The following GRIK2 variants were observed in gnomAD, a reference collection of about 807,000 sequenced individuals.
The protein encoded by GRIK2 is glutamate receptor ionotropic, kainate 2.
Under a neutral mutation model 100.3 loss-of-function variants are expected in GRIK2, and 32 were observed. The ratio of observed to expected loss-of-function variants is 0.32; its 90% CI spans 0.24 to 0.43. The LOEUF is 0.43. Ranked by LOEUF, GRIK2 falls within the 20% of genes least tolerant of loss-of-function variation. The pLI, the probability that GRIK2 is intolerant of heterozygous loss-of-function variation, is 1.00. For missense variants in GRIK2, 843 were observed against 1,114.9 expected (o/e 0.76, Z 3.47); for synonymous variants, 417 against 389.4 (o/e 1.07, Z -0.83).
chr6:101,414,503 A>G (rs960480338), intron 2 of GRIK2, among the ~76,000 whole-genome samples: 5 of 152,172 alleles, frequency 3.3e-5, no homozygotes, highest in African/African-American at 1.2e-4. Context: ...GAAGTCCCCA[A>G]AGCAAAAACA....
chr6:101,451,441 C>A (rs755144652), intron 2 of GRIK2, among the ~76,000 whole-genome samples: 22 of 151,578 alleles, frequency 1.5e-4, no homozygotes, highest in Non-Finnish European at 3.0e-4. Flanking sequence ...TACTAGCAGT[C>A]ATTTATTATA....
intron 9 of GRIK2, among the ~76,000 whole-genome samples, chr6:101,805,741 G>T (rs9390784): frequency 1.3e-5 from 2 of 152,000 alleles, no homozygotes; most frequent in South Asian, 2.1e-4. Context: ...CTGAAAAGAA[G>T]GTCATTTTGT....
chr6:101,778,820 T>C (rs1778902825), intron 7 of GRIK2, among the ~76,000 whole-genome samples: 1 of 152,148 alleles, frequency 6.6e-6, no homozygotes, highest in Non-Finnish European at 1.5e-5. Flanking sequence ...GCACCTATTT[T>C]AGACCTTTAC....
chr6:102,014,714 G>A (rs151245927), intron 14 of GRIK2, among the ~76,000 whole-genome samples: 1 of 152,224 alleles, frequency 6.6e-6, no homozygotes, highest in Non-Finnish European at 1.5e-5. Context: ...TCAGGAGCAT[G>A]TTGTTTCATT....
At chr6:101,549,290 G>T (rs201233263) in intron 2 of GRIK2, among the ~76,000 whole-genome samples, 27 of 90,872 alleles carry the variant, frequency 3.0e-4, no homozygotes, top group Admixed American at 1.1e-4. Context: ...AAAAAAAAAA[G>T]ATTGTATGTA....
At chr6:101,790,418 G>T (rs979195998) in intron 7 of GRIK2, among the ~76,000 whole-genome samples, 11 of 152,030 alleles carry the variant, frequency 7.2e-5, no homozygotes, top group East Asian at 3.9e-4. Context: ...TAGCATGAAG[G>T]GTTGTTGAAT....
chr6:101,939,553 T>C (rs1035484520), intron 14 of GRIK2, among the ~76,000 whole-genome samples: 1 of 152,096 alleles, frequency 6.6e-6, no homozygotes, highest in Non-Finnish European at 1.5e-5. Flanking sequence ...TTTAGATTAT[T>C]AATAAACAAA....
chr6:101,788,341 T>C (rs931614186), intron 7 of GRIK2, among the ~76,000 whole-genome samples: 3 of 152,068 alleles, frequency 2.0e-5, no homozygotes, highest in East Asian at 1.9e-4. Flanking sequence ...GTATATCTCC[T>C]AATGCTATCC....
intron 2 of GRIK2, among the ~76,000 whole-genome samples, chr6:101,587,348 G>A (rs1429326041): frequency 2.6e-5 from 4 of 151,944 alleles, no homozygotes; most frequent in Middle Eastern, 3.2e-3. Flanking sequence ...TAAGACATAC[G>A]GAGAATTAAA....
chr6:101,436,315 T>C lies in GRIK2; in HGVS notation c.115+36923T>C, dbSNP rs938343694. ...ATATTTTATTCCTACAATATGTTTTTTGAGTGATTCAGGATAGTGCACAAA... is the reference window on the plus strand; with the variant it reads ...ATATTTTATTCCTACAATATGTTTTCTGAGTGATTCAGGATAGTGCACAAA... On this transcript the variant is annotated intron_variant, in intron 2 of 16. Transcript: ENST00000369134. Among the ~76,000 whole-genome samples, 4 of 152,282 alleles carry C rather than the reference T, an allele frequency of 2.6e-5. No homozygotes were observed. The East Asian group carries it at 7.7e-4, about 29-fold the overall frequency.
chr6:102,053,731 A>G (rs1212081543), intron 15 of GRIK2, among the ~76,000 whole-genome samples: 1 of 152,154 alleles, frequency 6.6e-6, no homozygotes, highest in Non-Finnish European at 1.5e-5. Flanking sequence ...AAATGGATGG[A>G]TGGACTGATT....
chr6:101,699,808 A>G (rs993277762), intron 7 of GRIK2, among the ~76,000 whole-genome samples: 21 of 152,068 alleles, frequency 1.4e-4, no homozygotes, highest in African/African-American at 5.1e-4. Context: ...ACTTTAATCT[A>G]TTTAAAAGAA....
chr6:102,030,021 C>T (rs1769901826), intron 14 of GRIK2, among the ~76,000 whole-genome samples: 1 of 151,182 alleles, frequency 6.6e-6, no homozygotes, highest in South Asian at 2.1e-4. Context: ...GATCTATTCT[C>T]TTAGCAACTT....
intron 2 of GRIK2, among the ~76,000 whole-genome samples, chr6:101,402,035 G>T (rs1020265916): frequency 2.0e-5 from 3 of 152,246 alleles, no homozygotes; most frequent in Middle Eastern, 3.4e-3. Context: ...GCTAGTTAAG[G>T]CTCTGTGTTA....
At chr6:101,481,812 G>A (rs959122613) in intron 2 of GRIK2, among the ~76,000 whole-genome samples, 15 of 152,082 alleles carry the variant, frequency 9.9e-5, no homozygotes, top group Admixed American at 6.6e-4. Context: ...TAATCCCCAC[G>A]TGTCAAGGGG....
At chr6:101,533,873 T>G (rs1775560473) in intron 2 of GRIK2, among the ~76,000 whole-genome samples, 1 of 151,988 alleles carries the variant, frequency 6.6e-6, no homozygotes, top group African/African-American at 2.4e-5. Flanking sequence ...GTTACTGGAA[T>G]TGATTGAATA....
chr6:101,531,686 A>G (rs995878298), intron 2 of GRIK2, among the ~76,000 whole-genome samples: 3 of 151,928 alleles, frequency 2.0e-5, no homozygotes, highest in African/African-American at 7.2e-5. Flanking sequence ...GGATTATGAC[A>G]CTGAATGCAT....
intron 12 of GRIK2, among the ~76,000 whole-genome samples, chr6:101,918,595 ATAT>A (rs1789272294): frequency 6.6e-6 from 1 of 151,806 alleles, no homozygotes; most frequent in Admixed American, 6.6e-5. Flanking sequence ...GGCTTTGCAC[ATAT>A]TATCTCTCAT....
intron 10 of GRIK2, among the ~76,000 whole-genome samples, chr6:101,854,025 G>T (rs1454606855): frequency 1.3e-5 from 2 of 152,094 alleles, no homozygotes; most frequent in East Asian, 3.9e-4. Flanking sequence ...TTATACATTT[G>T]TCAAAACTCA....
Sources: gnomAD v4.1 joint callset for allele counts (sites outside exome capture counted in the v4.1 genomes callset) on GRCh38, gnomAD v4.1.1 for gene constraint, MANE v1.5 for transcripts, NCBI Gene and HGNC (gene_info 2026-07-23, HGNC 2026-07-21) for gene names.